Variants in C5orf34 observed in about 807,000 individuals in gnomAD.
The protein encoded by C5orf34 is chromosome 5 open reading frame 34.
Under a neutral mutation model 78.4 loss-of-function variants are expected in C5orf34, and 73 were observed. The observed-to-expected ratio is 0.93, with a 90% CI of 0.77 to 1.13. The LOEUF (loss-of-function observed/expected upper bound fraction) is 1.13. Ranked by LOEUF, C5orf34 falls within the 50% of genes most tolerant of loss-of-function variation. The pLI is 0.00. For synonymous variants in C5orf34, 251 were observed against 246.6 expected, an observed-to-expected ratio of 1.02 and a Z score of -0.17; for missense variants, 730 against 732.7, an observed-to-expected ratio of 1.00 and a Z score of 0.04.
chr5:43,506,334 T>C lies in C5orf34; in HGVS notation c.346A>G (p.Ile116Val), dbSNP rs779522656. 2 of 1,613,794 alleles carry C rather than the reference T, an allele frequency of 1.2e-6. No homozygotes were observed. The stretch of plus-strand genomic sequence containing the variant: ...TTCACAATGCCACTCTCCATATATA[T>C]CATGGTACCATCTGTATCAAGACTG... ...WPSLDTDGTM[I>V]YMESGIVKIT... Residue 116 changes from isoleucine (I) to valine (V), a missense_variant, in exon 4 of 13, where the codon ATA becomes GTA. Coordinates refer to ENST00000306862, the MANE Select transcript of C5orf34 (RefSeq NM_198566.4).
chr5:43,503,535 A>G (rs1372311246), intron 5 of C5orf34, 130 bp downstream of exon 5: 10 of 740,338 alleles, frequency 1.4e-5, no homozygotes, highest in South Asian at 1.2e-4. Context: ...AGGATCAAAC[A>G]CAGGAGCACA....
rs1745118526 is a variant in C5orf34 at position 43,487,649 on chromosome 5, A to G, written c.1720+260T>C. ...TTTTATTATATAATTATGTAAGTGA[A>G]AAAGTCTCCAAAGGAGACCTTAACC... On this transcript the variant is annotated intron_variant, in intron 12 of 12. Coordinates refer to ENST00000306862, the MANE Select transcript of C5orf34 (RefSeq NM_198566.4). Among the ~76,000 whole-genome samples the G allele has an allele frequency of 1.3e-5, 2 of 152,126 alleles. 1 individual carries two copies. The highest frequency in any genetic ancestry group is 4.1e-4 in the South Asian group (2 of 4,830).
Position 43,486,997 on chromosome 5 carries a change from T to C in C5orf34, c.1835A>G (p.Glu612Gly). ...TTTCAATGCTATTGATACTCTATTT[T>C]CATTAACTTCTCCTAGCAAGGTTTC... ...SSETLLGEVN[E>G]NRVSIALKKT... The change falls in exon 13 of 13, where the codon GAA (glutamate) becomes GGA (glycine). Residue 612 changes from glutamate (E) to glycine (G), a missense_variant. By Grantham distance (98) the Glu-to-Gly change is moderately conservative. Coordinates refer to ENST00000306862, the MANE Select transcript of C5orf34 (RefSeq NM_198566.4). 1 of 1,591,196 alleles carries C rather than the reference T, an allele frequency of 6.3e-7. No individual in the cohort carries two copies. The highest frequency in any genetic ancestry group is 8.6e-7 in the Non-Finnish European group (1 of 1,168,158).
intron 6 of C5orf34, 26 bp from the exon 7 acceptor site, chr5:43,494,627 T>G: frequency 6.9e-7 from 1 of 1,453,162 alleles, no homozygotes; most frequent in Non-Finnish European, 9.5e-7. Context: ...AATGAAAAAT[T>G]TCATTAATAA....
At chr5:43,511,714 G>C (rs1465346935) in intron 1 of C5orf34, among the ~76,000 whole-genome samples, 1 of 152,306 alleles carries the variant, frequency 6.6e-6, no homozygotes, top group East Asian at 1.9e-4. Flanking sequence ...GGATGCTGTT[G>C]ATCTATGACC....
chr5:43,494,416 C>T (rs984702065), intron 7 of C5orf34, 94 bp downstream of exon 7: 1 of 736,086 alleles, frequency 1.4e-6, no homozygotes. Flanking sequence ...TTCCATTGTA[C>T]CTGCCAATTC....
intron 3 of C5orf34, among the ~76,000 whole-genome samples, chr5:43,507,906 G>A (rs934616110): frequency 1.5e-4 from 23 of 151,920 alleles, no homozygotes; most frequent in African/African-American, 4.8e-4. Context: ...ATGAAACCCC[G>A]TCTCTACTAA....
At chr5:43,492,660 T>G in intron 9 of C5orf34, 60 bp downstream of exon 9, 1 of 1,414,660 alleles carries the variant, frequency 7.1e-7, no homozygotes, top group East Asian at 2.3e-5. Context: ...CTTTGTTTTC[T>G]TTGTTCTGTT....
intron 3 of C5orf34, among the ~76,000 whole-genome samples, chr5:43,508,300 C>T (rs1044210907): frequency 6.6e-6 from 1 of 152,114 alleles, no homozygotes; most frequent in Non-Finnish European, 1.5e-5. Context: ...TTACATATTT[C>T]TACTATACAT....
chr5:43,490,440 A>G, intron 11 of C5orf34, 191 bp downstream of exon 11: 2 of 420,494 alleles, frequency 4.8e-6, no homozygotes, highest in South Asian at 1.0e-4. Context: ...AATATGATGA[A>G]ATGTAATAAA....
Position 43,502,425 on chromosome 5 carries a change from C to T in C5orf34, c.1099G>A (p.Ala367Thr), listed in dbSNP as rs1273661421. The change falls in exon 6 of 13, where the codon GCT becomes ACT. Residue 367 changes from alanine to threonine, a missense_variant. Coordinates refer to ENST00000306862, the MANE Select transcript of C5orf34 (RefSeq NM_198566.4). ...GDGSVFKSEG[A>T]YFGNYFTYYS... ...TAAGTAAAATAGTTCCCAAAATAAG[C>T]CCCTTCTGATTTGAAAACAGATCCA... is the stretch of plus-strand genomic sequence containing the variant. 3 of 1,607,084 alleles carry T rather than the reference C, an allele frequency of 1.9e-6. No homozygotes were observed. Among genetic ancestry groups the T allele is most frequent in the Non-Finnish European group, 2.6e-6 (3 of 1,174,450 alleles).
rs768974990 is a variant in C5orf34, at chr5:43,502,499, A to C, written c.1029-4T>G. 5.3e-6 allele frequency: 8 copies of C among 1,518,978 alleles called. No homozygotes were observed. The highest frequency in any genetic ancestry group is 6.3e-6 in the Non-Finnish European group (7 of 1,116,226). The allele number at this position is 1,518,978 out of a possible 1,614,324, so 94.1% of individuals were successfully genotyped here. A position where few individuals can be genotyped will look rare whatever the true frequency, so the allele number is the denominator to read the frequency against. ...GTTCATATTTTGATGGGTAAGTCTAAGAAATAGAAATAACCATTAAAAATT... is the reference window on the plus strand; with the variant it reads ...GTTCATATTTTGATGGGTAAGTCTACGAAATAGAAATAACCATTAAAAATT... On this transcript the variant is annotated splice_polypyrimidine_tract_variant and splice_region_variant and intron_variant, in intron 5 of 12. Coordinates refer to ENST00000306862, the MANE Select transcript of C5orf34 (RefSeq NM_198566.4).
At position 43,507,796 on chromosome 5, in the gene C5orf34, C is replaced by T. The variant is rs139491210; in HGVS notation, c.285+781G>A. On this transcript the variant is annotated intron_variant, in intron 3 of 12. Transcript: ENST00000306862. Reference sequence around the variant, plus strand: ...TTCCTTGCCTATAAAAAGAGGCTGCCGGCCGGGCGCGGTGGCTCACGCCTG... The same window carrying T: ...TTCCTTGCCTATAAAAAGAGGCTGCTGGCCGGGCGCGGTGGCTCACGCCTG... Among the ~76,000 whole-genome samples, 452 of 152,208 alleles carry T rather than the reference C, an allele frequency of 3.0e-3. 14 individuals are homozygous for T. In the East Asian group the frequency reaches 0.072, roughly 24 times the overall value.
At position 43,502,359 on chromosome 5, in the gene C5orf34, ATTG is replaced by A. The variant is rs543483458; in HGVS notation, c.1152+10_1152+12del. 131 of 1,610,816 alleles carry A rather than the reference ATTG, an allele frequency of 8.1e-5. No individual in the cohort carries two copies. In the African/African-American group the frequency reaches 1.0e-3, roughly 12 times the overall value. On this transcript the variant is annotated intron_variant, in intron 6 of 12. Coordinates refer to ENST00000306862, the MANE Select transcript of C5orf34 (RefSeq NM_198566.4). ...GCAAAACTCTTCTTGAGTTGAGTTC[ATTG>A]TTGGCTTACCTTTCCTGATCCTTCT...
At chr5:43,508,364 T>A (rs1746079841) in intron 3 of C5orf34, among the ~76,000 whole-genome samples, 1 of 152,174 alleles carries the variant, frequency 6.6e-6, no homozygotes, top group African/African-American at 2.4e-5. Context: ...TTTTGAGACC[T>A]CTGAGAATGA....
At chr5:43,493,968 C>G (rs1474787349) in intron 7 of C5orf34, among the ~76,000 whole-genome samples, 1 of 152,096 alleles carries the variant, frequency 6.6e-6, no homozygotes, top group African/African-American at 2.4e-5. Flanking sequence ...CCTAGGAAAT[C>G]AAATTACAGA....
chr5:43,492,319 T>A lies in C5orf34; in HGVS notation c.1486-10A>T, dbSNP rs1425321552. The A allele has an allele frequency of 6.5e-7, 1 of 1,545,990 alleles. No homozygotes were observed. The highest frequency in any genetic ancestry group is 1.4e-5 in the African/African-American group (1 of 73,110). On this transcript the variant is annotated splice_polypyrimidine_tract_variant and intron_variant, in intron 9 of 12. Coordinates refer to ENST00000306862, the MANE Select transcript of C5orf34 (RefSeq NM_198566.4). ...TAAGACCTTGATTTACCTGAAGAAGTAGAAAGATAAGTTTTATCATTTTAG... is the reference window on the plus strand; with the variant it reads ...TAAGACCTTGATTTACCTGAAGAAGAAGAAAGATAAGTTTTATCATTTTAG...
At position 43,486,891 on chromosome 5, in the gene C5orf34, A is replaced by G. The variant is rs761028856; in HGVS notation, c.*24T>C. ...TGAAACAACATCCTTAAACTTTAAT[A>G]ATATGTTGTAATAATTCCATTTTTC... is the stretch of plus-strand genomic sequence containing the variant. On this transcript the variant is annotated 3_prime_UTR_variant, in exon 13 of 13. Coordinates refer to ENST00000306862, the MANE Select transcript of C5orf34 (RefSeq NM_198566.4). 7.2e-7 allele frequency: 1 copy of G among 1,389,012 alleles called. No homozygotes were observed. Among genetic ancestry groups the G allele is most frequent in the African/African-American group, 1.5e-5 (1 of 67,324 alleles). 86.0% of individuals were successfully genotyped at this position (1,389,012 alleles called of 1,614,324 possible).
chr5:43,495,449 G>C, intron 6 of C5orf34: 1 of 1,610,632 alleles, frequency 6.2e-7, no homozygotes, highest in Non-Finnish European at 8.5e-7. Context: ...GAAGTCAGCT[G>C]TTTCCATTGG....
Sources: gnomAD v4.1 joint callset for allele counts (sites outside exome capture counted in the v4.1 genomes callset) on GRCh38, gnomAD v4.1.1 for gene constraint, MANE v1.5 for transcripts, NCBI Gene and HGNC (gene_info 2026-07-23, HGNC 2026-07-21) for gene names.